The following ZNF157 variants were observed in gnomAD, a reference collection of about 807,000 sequenced individuals.
ZNF157 encodes the protein zinc finger protein 157, also known as zinc finger protein 22.
ZNF157 carries 8 observed loss-of-function variants against 9.4 expected under a neutral mutation model. The ratio of observed to expected loss-of-function variants is 0.85; its 90% CI spans 0.50 to 1.53. The LOEUF (loss-of-function observed/expected upper bound fraction) is 1.53, where lower values mean the gene tolerates loss of function less well. Among genes scored for constraint, ZNF157 ranks in the 40% most tolerant of loss-of-function variants. ZNF157 has a pLI of 0.00. For missense variants in ZNF157, 316 were observed against 385.2 expected (o/e 0.82, Z 1.50); for synonymous variants, 120 against 130.8 (o/e 0.92, Z 0.56).
intron 1 of ZNF157, among the ~76,000 whole-genome samples, chrX:47,394,894 C>A (rs2055908722): frequency 9.0e-6 from 1 of 111,199 alleles, no homozygotes; most frequent in Non-Finnish European, 1.9e-5. Context: ...TCTCAGCTCA[C>A]TGCAGCCTTG....
Position 47,374,900 on chromosome X carries a change from G to A in ZNF157, c.72+4160G>A, listed in dbSNP as rs776252530. 1.9e-3 allele frequency among the ~76,000 whole-genome samples: 181 copies of A among 95,182 alleles called. 1 individual carries two copies. Among genetic ancestry groups the A allele is most frequent in the African/African-American group, 6.9e-3 (178 of 25,942 alleles). 82.7% of individuals were successfully genotyped at this position (95,182 alleles called of 115,157 possible). On this transcript the variant is annotated intron_variant, in intron 1 of 3. Coordinates refer to ENST00000377073, the MANE Select transcript of ZNF157 (RefSeq NM_003446.4). ...ATTTTTTTGTATTTTTAGTAGACAT[G>A]GGGTTTCACCATGTTGGCCAGGTTG...
In ZNF157 at chrX:47,393,758, A is replaced by G. The variant is rs866013663; in HGVS notation, c.73-16518A>G. ...CTCCCCCGCCCTTTTTTTTTTTTTT[A>G]GACAAAGTCTTGCTCTGTCGCCCAG... On this transcript the variant is annotated intron_variant, in intron 1 of 3. Transcript: ENST00000377073. Among the ~76,000 whole-genome samples the G allele has an allele frequency of 9.0e-3, 243 of 27,033 alleles. 5 individuals carry two copies. Among genetic ancestry groups the G allele is most frequent in the African/African-American group, 0.029 (239 of 8,143 alleles). 23.5% of individuals were successfully genotyped at this position (27,033 alleles called of 115,157 possible).
intron 1 of ZNF157, among the ~76,000 whole-genome samples, chrX:47,388,965 C>T (rs1349103907): frequency 9.1e-6 from 1 of 109,859 alleles, no homozygotes; most frequent in Non-Finnish European, 1.9e-5. Flanking sequence ...GTAGCACCAC[C>T]ACGCCTGGCT....
chrX:47,412,722 C>G lies in ZNF157; in HGVS notation c.649C>G (p.Pro217Ala). ...AHQKTHTGER[P>A]FECNECGKSF... ...TCAGAAAACTCACACAGGGGAGAGGCCCTTTGAATGTAATGAATGTGGGAA... is the reference window on the plus strand; with the variant it reads ...TCAGAAAACTCACACAGGGGAGAGGGCCTTTGAATGTAATGAATGTGGGAA... The change falls in exon 4 of 4, where the codon CCC becomes GCC. Residue 217 changes from proline to alanine, a missense_variant. Physicochemically the swap from Pro to Ala is conservative, Grantham distance 27. Transcript: ENST00000377073. The G allele has an allele frequency of 8.3e-7, 1 of 1,211,219 alleles. No homozygotes were observed. Among genetic ancestry groups the G allele is most frequent in the Non-Finnish European group, 1.1e-6 (1 of 895,408 alleles).
intron 1 of ZNF157, among the ~76,000 whole-genome samples, chrX:47,392,902 T>G (rs868774658): frequency 7.2e-5 from 8 of 111,626 alleles, no homozygotes; most frequent in African/African-American, 2.6e-4. Context: ...ATGCCTGTAA[T>G]TCTGGCACTT....
At chrX:47,404,305 C>T (rs2055940214) in intron 1 of ZNF157, among the ~76,000 whole-genome samples, 1 of 108,768 alleles carries the variant, frequency 9.2e-6, no homozygotes, top group Non-Finnish European at 1.9e-5. Context: ...GCTGGGATTA[C>T]AGGCGCGCAC....
intron 1 of ZNF157, among the ~76,000 whole-genome samples, chrX:47,397,971 A>G (rs770435683): frequency 3.6e-5 from 4 of 110,353 alleles, no homozygotes; most frequent in Non-Finnish European, 7.6e-5. Flanking sequence ...TAGGGGTAAT[A>G]GTGAGTAGTG....
intron 2 of ZNF157, 129 bp downstream of exon 2, chrX:47,410,531 A>C: frequency 1.0e-6 from 1 of 990,874 alleles, no homozygotes; most frequent in South Asian, 2.3e-5. Flanking sequence ...AGGGCACCAG[A>C]AAAAATGTGT....
intron 1 of ZNF157, among the ~76,000 whole-genome samples, chrX:47,384,188 C>T (rs959698367): frequency 2.7e-5 from 3 of 110,117 alleles, no homozygotes; most frequent in African/African-American, 9.9e-5. Context: ...TGCAGTGAGC[C>T]GAGATCGCGC....
intron 1 of ZNF157, among the ~76,000 whole-genome samples, chrX:47,409,380 G>T (rs1040523144): frequency 9.0e-6 from 1 of 111,621 alleles, no homozygotes; most frequent in Non-Finnish European, 1.9e-5. Context: ...TGTCGCCCAG[G>T]CTGGAGTGCA....
At chrX:47,402,778 G>C (rs1418410413) in intron 1 of ZNF157, among the ~76,000 whole-genome samples, 2 of 108,491 alleles carry the variant, frequency 1.8e-5, no homozygotes, top group Non-Finnish European at 3.8e-5. Flanking sequence ...TCCTGACCTT[G>C]TGATCCGCCT....
chrX:47,391,712 G>A (rs2055897756), intron 1 of ZNF157, among the ~76,000 whole-genome samples: 1 of 111,191 alleles, frequency 9.0e-6, no homozygotes, highest in East Asian at 2.8e-4. Context: ...CACCACACCC[G>A]GCTAATTTTG....
intron 1 of ZNF157, among the ~76,000 whole-genome samples, chrX:47,384,013 T>C (rs1016948470): frequency 9.1e-6 from 1 of 110,028 alleles, no homozygotes; most frequent in African/African-American, 3.3e-5. Flanking sequence ...CTCACCCCTG[T>C]AATCCCACCA....
chrX:47,413,663 G>A lies in ZNF157; in HGVS notation c.*69G>A. 2 of 1,137,832 alleles carry A rather than the reference G, an allele frequency of 1.8e-6. No homozygotes were observed. The highest frequency in any genetic ancestry group is 3.0e-5 in the Admixed American group (1 of 33,194). 93.8% of individuals were successfully genotyped at this position (1,137,832 alleles called of 1,213,427 possible). A position where few individuals can be genotyped will look rare whatever the true frequency, so the allele number is the denominator to read the frequency against. Reference sequence around the variant, plus strand: ...TCACCAGGGCACACAGTGTGCCTGTGAAAATTTGGCACCTACATTTGTATC... The same window carrying A: ...TCACCAGGGCACACAGTGTGCCTGTAAAAATTTGGCACCTACATTTGTATC... On this transcript the variant is annotated 3_prime_UTR_variant, in exon 4 of 4. Transcript: ENST00000377073.
At chrX:47,375,562 A>G (rs1262149628) in intron 1 of ZNF157, among the ~76,000 whole-genome samples, 1 of 111,331 alleles carries the variant, frequency 9.0e-6, no homozygotes, top group East Asian at 2.8e-4. Context: ...TGGCAAATAG[A>G]TCATGACATA....
At chrX:47,412,201 C>T (rs954136907) in intron 3 of ZNF157, among the ~76,000 whole-genome samples, 168 bp from the exon 4 acceptor site, 4 of 112,092 alleles carry the variant, frequency 3.6e-5, no homozygotes, top group East Asian at 2.8e-4. Flanking sequence ...TCAAGTGATC[C>T]GCCTGCCTTG....
chrX:47,394,242 G>A (rs1241841767), intron 1 of ZNF157, among the ~76,000 whole-genome samples: 3 of 111,198 alleles, frequency 2.7e-5, no homozygotes, highest in African/African-American at 6.5e-5. Flanking sequence ...GATTACAGGC[G>A]TGAGCCACCG....
rs1201910525 is a variant in ZNF157, at chrX:47,388,396, GT to G, written c.72+17668del. Among the ~76,000 whole-genome samples, 736 of 100,524 alleles carry G rather than the reference GT, an allele frequency of 7.3e-3. 10 individuals are homozygous for G. The East Asian group carries it at 0.076, about 10-fold the overall frequency. The allele number at this position is 100,524 out of a possible 115,157, so 87.3% of individuals were successfully genotyped here. A position where few individuals can be genotyped will look rare whatever the true frequency, so the allele number is the denominator to read the frequency against. ...ACTGTGCCTGGCTATGTGTTTTTTT[GT>G]TTTTTTTTTTTGAGTCAGAGTCTTC... On this transcript the variant is annotated intron_variant, in intron 1 of 3. Transcript: ENST00000377073.
intron 1 of ZNF157, among the ~76,000 whole-genome samples, chrX:47,388,021 C>T (rs1267774296): frequency 3.7e-5 from 4 of 108,599 alleles, no homozygotes; most frequent in Non-Finnish European, 7.6e-5. Context: ...TACAATGCTT[C>T]TACAGAGAAA....
Sources: allele counts gnomAD v4.1 joint callset (sites outside exome capture counted in the v4.1 genomes callset), GRCh38; gene constraint gnomAD v4.1.1; transcripts MANE v1.5; gene names NCBI Gene and HGNC (gene_info 2026-07-23, HGNC 2026-07-21).